ACTN1: variants seen among roughly 807,000 people sequenced by gnomAD.
ACTN1 encodes actinin alpha 1.
In ACTN1, 30 loss-of-function variants were observed where a neutral mutation model predicts 119.6. The ratio of observed to expected loss-of-function variants is 0.25; its 90% CI spans 0.19 to 0.34. The LOEUF is 0.34. Ranked by LOEUF, ACTN1 falls within the 10% of genes least tolerant of loss-of-function variation. The probability of loss-of-function intolerance (pLI) is 1.00; values close to 1 mark genes in which losing one functional copy is unlikely to be tolerated. For synonymous variants in ACTN1, 429 were observed against 472.6 expected (o/e 0.91, Z 1.20); for missense variants, 764 against 1,223.4 (o/e 0.62, Z 5.60).
At position 68,921,128 on chromosome 14, in the gene ACTN1, GT is replaced by G. The variant is rs1168926490; in HGVS notation, c.221-4del. Reference sequence around the variant, plus strand: ...CTCTGGCTTGGCCAAGCGTTCACCTGTTTGGATCAAGAGGGAGGAAGAGGAA... The same window carrying G: ...CTCTGGCTTGGCCAAGCGTTCACCTGTTGGATCAAGAGGGAGGAAGAGGAA... On this transcript the variant is annotated splice_polypyrimidine_tract_variant and splice_region_variant and intron_variant, in intron 2 of 21. Transcript: ENST00000394419. 4.3e-6 allele frequency: 7 copies of G among 1,613,944 alleles called. No individual in the cohort carries two copies. The Admixed American group carries it at 1.2e-4, about 27-fold the overall frequency.
chr14:68,970,032 A>G (rs557136972), intron 1 of ACTN1, among the ~76,000 whole-genome samples: 3 of 152,266 alleles, frequency 2.0e-5, no homozygotes, highest in African/African-American at 4.8e-5. Flanking sequence ...AGCTTTGCAG[A>G]TGGCTTTTAA....
chr14:68,929,830 A>G (rs2035137660), intron 1 of ACTN1, among the ~76,000 whole-genome samples: 2 of 152,204 alleles, frequency 1.3e-5, no homozygotes, highest in African/African-American at 4.8e-5. Flanking sequence ...CCTCGAAGCC[A>G]CTGCCCATGT....
At chr14:68,915,149 T>TA (rs1280200451) in intron 3 of ACTN1, among the ~76,000 whole-genome samples, 2 of 152,092 alleles carry the variant, frequency 1.3e-5, no homozygotes, top group Non-Finnish European at 2.9e-5. Flanking sequence ...CACCCTCTGC[T>TA]AAAAAACCTC....
At chr14:68,932,548 T>C (rs1315743292) in intron 1 of ACTN1, among the ~76,000 whole-genome samples, 1 of 149,270 alleles carries the variant, frequency 6.7e-6, no homozygotes, top group Non-Finnish European at 1.5e-5. Flanking sequence ...TTAATTTTTC[T>C]TGGAGACTGG....
At position 68,877,172 on chromosome 14, in the gene ACTN1, C is replaced by T; in HGVS notation, c.2496G>A (p.Gln832=). 6.2e-7 allele frequency: 1 copy of T among 1,614,204 alleles called. No individual in the cohort carries two copies. Among genetic ancestry groups the T allele is most frequent in the Non-Finnish European group, 8.5e-7 (1 of 1,180,034 alleles). The change falls in exon 21 of 22, where the codon CAG becomes CAA. Residue 832 remains glutamine (Q), a synonymous_variant. Coordinates refer to ENST00000394419, the MANE Select transcript of ACTN1 (RefSeq NM_001130004.2). Reference sequence around the variant, plus strand: ...CGCGGGACATGAAGTCAATGAAGGCCTGGAATGTCACTACCCCCAGGCGGT... The same window carrying T: ...CGCGGGACATGAAGTCAATGAAGGCTTGGAATGTCACTACCCCCAGGCGGT... ...DPNRLGVVTF[Q]AFIDFMSRET...
intron 1 of ACTN1, among the ~76,000 whole-genome samples, chr14:68,957,503 T>C (rs2036387500): frequency 6.6e-6 from 1 of 152,232 alleles, no homozygotes; most frequent in South Asian, 2.1e-4. Context: ...TTTAAAGCCA[T>C]CCGGGAACTC....
At chr14:68,902,350 C>A in intron 8 of ACTN1, 127 bp downstream of exon 8, 1 of 786,462 alleles carries the variant, frequency 1.3e-6, no homozygotes. Context: ...CTAGGGACTG[C>A]CTCTGTCCGA....
At chr14:68,937,126 C>T (rs1053193371) in intron 1 of ACTN1, among the ~76,000 whole-genome samples, 3 of 151,986 alleles carry the variant, frequency 2.0e-5, no homozygotes, top group Non-Finnish European at 4.4e-5. Flanking sequence ...GGCCCCGTCT[C>T]TCACCCCCAC....
chr14:68,957,248 A>G (rs1231818658), intron 1 of ACTN1, among the ~76,000 whole-genome samples: 1 of 152,206 alleles, frequency 6.6e-6, no homozygotes, highest in African/African-American at 2.4e-5. Context: ...AGTTCCATGC[A>G]TGGTAAGAGG....
chr14:68,878,315 C>A lies in ACTN1; in HGVS notation c.2427+143G>T. On this transcript the variant is annotated intron_variant, in intron 20 of 21. Coordinates refer to ENST00000394419, the MANE Select transcript of ACTN1 (RefSeq NM_001130004.2). The surrounding 1 kb of genome is among the most constrained non-coding windows in gnomAD (Gnocchi z 4.4). ...GGCCGGCTTTCAGGGAGCCATCTTC[C>A]CCAAGGACATGGGCCCTGGGGCTCC... The A allele has an allele frequency of 7.8e-7, 1 of 1,277,348 alleles. No homozygotes were observed. Among genetic ancestry groups the A allele is most frequent in the East Asian group, 2.6e-5 (1 of 38,960 alleles). 79.1% of individuals were successfully genotyped at this position (1,277,348 alleles called of 1,614,324 possible).
At chr14:68,913,578 G>C (rs928511152) in intron 3 of ACTN1, among the ~76,000 whole-genome samples, 1 of 152,142 alleles carries the variant, frequency 6.6e-6, no homozygotes, top group Non-Finnish European at 1.5e-5. Context: ...AAAAGTGAGG[G>C]CAAAACTGTA....
chr14:68,902,663 G>T lies in ACTN1; in HGVS notation c.677-101C>A. On this transcript the variant is annotated intron_variant, in intron 7 of 21. Coordinates refer to ENST00000394419, the MANE Select transcript of ACTN1 (RefSeq NM_001130004.2). ...GCTCGCAGCACCACCAAGTCTTCTTGCCAAAATGTGGAGCCCGAATCTAAC... is the reference window on the plus strand; with the variant it reads ...GCTCGCAGCACCACCAAGTCTTCTTTCCAAAATGTGGAGCCCGAATCTAAC... 3.1e-6 allele frequency: 3 copies of T among 974,196 alleles called. No homozygotes were observed. The South Asian group carries it at 4.1e-5, about 13-fold the overall frequency. 60.3% of individuals were successfully genotyped at this position (974,196 alleles called of 1,614,324 possible).
In ACTN1 at chr14:68,935,682, G is replaced by A. The variant is rs368731920; in HGVS notation, c.106-10010C>T. Among the ~76,000 whole-genome samples, 28 of 152,198 alleles carry A rather than the reference G, an allele frequency of 1.8e-4. 2 individuals carry two copies. Among genetic ancestry groups the A allele is most frequent in the Middle Eastern group, 3.4e-3 (1 of 292 alleles). On this transcript the variant is annotated intron_variant, in intron 1 of 21. Coordinates refer to ENST00000394419, the MANE Select transcript of ACTN1 (RefSeq NM_001130004.2). ...ATTACAGGCATGAGCCACCACACCC[G>A]GCTAGAGCGCTCTATTCTGATGTTT...
rs1185525014 is a variant in ACTN1 at position 68,878,215 on chromosome 14, G to A, written c.2427+243C>T. 6.3e-6 allele frequency: 3 copies of A among 478,130 alleles called. No homozygotes were observed. Among genetic ancestry groups the A allele is most frequent in the Non-Finnish European group, 1.1e-5 (3 of 273,122 alleles). The allele number at this position is 478,130 out of a possible 1,614,324, so 29.6% of individuals were successfully genotyped here. A position where few individuals can be genotyped will look rare whatever the true frequency, so the allele number is the denominator to read the frequency against. The stretch of plus-strand genomic sequence containing the variant: ...CAGCTGTCCACAGTGGGAGTGAGAA[G>A]TACCAGAAGATGAAGTGGCACAGAG... On this transcript the variant is annotated intron_variant, in intron 20 of 21. Transcript: ENST00000394419. The surrounding 1 kb of genome is among the most constrained non-coding windows in gnomAD (Gnocchi z 4.4).
chr14:68,887,128 T>G (rs1807702440), intron 11 of ACTN1: 1 of 173,702 alleles, frequency 5.8e-6, no homozygotes, highest in Non-Finnish European at 1.2e-5. Context: ...CAGCTTAAAA[T>G]CGGGAAGCAA....
At chr14:68,908,693 C>A (rs772337685) in intron 6 of ACTN1, among the ~76,000 whole-genome samples, 1 of 152,110 alleles carries the variant, frequency 6.6e-6, no homozygotes, top group Non-Finnish European at 1.5e-5. Flanking sequence ...TCTCCAAGGT[C>A]CAGGGCAGTG....
At position 68,879,174 on chromosome 14, in the gene ACTN1, G is replaced by GAGAC. The variant is rs2031247961; in HGVS notation, c.2281-106_2281-105insGTCT. On this transcript the variant is annotated intron_variant, in intron 18 of 21. Transcript: ENST00000394419. The surrounding 1 kb of genome is among the most constrained non-coding windows in gnomAD (Gnocchi z 4.9). ...GGTGGCGTGTGTGGGGAGACACAGG[G>GAGAC]ACAGGCATGCGGAGGGAGGGTGGGG... The GAGAC allele has an allele frequency of 5.5e-6, 3 of 540,820 alleles. No individual in the cohort carries two copies. Among genetic ancestry groups the GAGAC allele is most frequent in the Non-Finnish European group, 8.9e-6 (3 of 338,274 alleles). 33.5% of individuals were successfully genotyped at this position (540,820 alleles called of 1,614,324 possible). A position where few individuals can be genotyped will look rare whatever the true frequency, so the allele number is the denominator to read the frequency against.
chr14:68,897,150 A>G (rs1366518000), intron 8 of ACTN1, among the ~76,000 whole-genome samples: 1 of 151,882 alleles, frequency 6.6e-6, no homozygotes, highest in Non-Finnish European at 1.5e-5. Context: ...ATGTCTGGCT[A>G]ATTTCTGTAT....
intron 1 of ACTN1, among the ~76,000 whole-genome samples, chr14:68,963,376 T>C (rs1371823955): frequency 6.6e-6 from 1 of 152,252 alleles, no homozygotes; most frequent in Non-Finnish European, 1.5e-5. Flanking sequence ...GTCTGCTTTA[T>C]GTTTGTTAAG....
Sources: allele counts gnomAD v4.1 joint callset (sites outside exome capture counted in the v4.1 genomes callset), GRCh38; gene constraint gnomAD v4.1.1; non-coding constraint Gnocchi (gnomAD v3.1); transcripts MANE v1.5; gene names NCBI Gene and HGNC (gene_info 2026-07-23, HGNC 2026-07-21).